Variants in TMCO4 observed in about 807,000 individuals in gnomAD.
TMCO4 encodes transmembrane and coiled-coil domains 4, also known as transmembrane and coiled-coil domain-containing protein 4.
TMCO4 carries 58 observed loss-of-function variants against 64.7 expected under a neutral mutation model. The ratio of observed to expected loss-of-function variants is 0.90; its 90% CI spans 0.73 to 1.12. The LOEUF is 1.12. TMCO4 is among the 50% of genes most tolerant of loss of function. TMCO4 has a pLI of 0.00. For missense variants in TMCO4, 780 were observed against 825.9 expected (o/e 0.94, Z 0.68); for synonymous variants, 325 against 346.1 (o/e 0.94, Z 0.68).
rs745696356 is a variant in TMCO4 at position 19,683,275 on chromosome 1, TG to T, written c.1669del (p.His557ThrfsTer30). ...GGGACCCTGGGTTTGCCCAACCTGG[TG>T]GGGGGTCTCGCCTGATGAGGCGGCA... ...AAAASSGETP[H>X]QVGQTQGPIS... On this transcript the variant is annotated frameshift_variant, in exon 16 of 16. Transcript: ENST00000294543. LOFTEE classifies it low-confidence loss of function (END_TRUNC). 1 of 1,614,086 alleles carries T rather than the reference TG, an allele frequency of 6.2e-7. No individual in the cohort carries two copies. Among genetic ancestry groups the T allele is most frequent in the East Asian group, 2.2e-5 (1 of 44,862 alleles).
intron 6 of TMCO4, among the ~76,000 whole-genome samples, chr1:19,760,186 G>C (rs2042436958): frequency 6.6e-6 from 1 of 151,578 alleles, no homozygotes; most frequent in East Asian, 1.9e-4. Context: ...TTTTTTAAGA[G>C]ATGGGGATCT....
At chr1:19,764,776 A>G in intron 6 of TMCO4, among the ~76,000 whole-genome samples, 1 of 145,328 alleles carries the variant, frequency 6.9e-6, no homozygotes, top group South Asian at 2.2e-4. Context: ...AATTGCTTGA[A>G]CCCGGGAGGT....
At position 19,720,005 on chromosome 1, in the gene TMCO4, ATTTT is replaced by A. The variant is rs56755114; in HGVS notation, c.1264+17363_1264+17366del. ...AGATTCCTTCTCAAAAAGGAAAATAATTTTTTTTTTTTTTTTTTTTGTAGAGATG... is the reference window on the plus strand; with the variant it reads ...AGATTCCTTCTCAAAAAGGAAAATAATTTTTTTTTTTTTTTTGTAGAGATG... On this transcript the variant is annotated intron_variant, in intron 13 of 15. Transcript: ENST00000294543. Among the ~76,000 whole-genome samples the A allele has an allele frequency of 6.0e-5, 7 of 116,950 alleles. No individual in the cohort carries two copies. In the East Asian group the frequency reaches 7.2e-4, roughly 12 times the overall value. The allele number at this position is 116,950 out of a possible 152,430, so 76.7% of individuals were successfully genotyped here.
chr1:19,706,167 G>A (rs1306531205), intron 13 of TMCO4, among the ~76,000 whole-genome samples: 1 of 152,180 alleles, frequency 6.6e-6, no homozygotes, highest in Admixed American at 6.5e-5. Context: ...GCCTCCTAAA[G>A]TGCTGGGATT....
At chr1:19,767,328 G>A (rs932415219) in intron 6 of TMCO4, among the ~76,000 whole-genome samples, 5 of 152,190 alleles carry the variant, frequency 3.3e-5, no homozygotes, top group South Asian at 4.1e-4. Context: ...AGCATTTAAC[G>A]AGTGCTGAAT....
intron 15 of TMCO4, among the ~76,000 whole-genome samples, chr1:19,692,365 C>T (rs139788391): frequency 1.1e-4 from 16 of 152,194 alleles, no homozygotes; most frequent in East Asian, 1.9e-4. Context: ...CATGTTTCAG[C>T]GGTGTGACCC....
chr1:19,753,884 G>A (rs988992989), intron 7 of TMCO4, among the ~76,000 whole-genome samples: 1 of 152,098 alleles, frequency 6.6e-6, no homozygotes, highest in Non-Finnish European at 1.5e-5. Flanking sequence ...CTACAATAGG[G>A]TCTATAATAG....
At chr1:19,773,405 G>A (rs1436308732) in intron 4 of TMCO4, among the ~76,000 whole-genome samples, 7 of 152,130 alleles carry the variant, frequency 4.6e-5, no homozygotes, top group Admixed American at 4.6e-4. Context: ...GAGTTCTAAA[G>A]ATGGGATGAC....
At chr1:19,780,385 G>C (rs970474133) in intron 4 of TMCO4, among the ~76,000 whole-genome samples, 195 bp downstream of exon 4, 6 of 152,182 alleles carry the variant, frequency 3.9e-5, no homozygotes, top group African/African-American at 1.4e-4. Context: ...ACCTCCTGCT[G>C]TGCGGCCAGG....
intron 15 of TMCO4, among the ~76,000 whole-genome samples, chr1:19,688,096 A>G (rs2095164186): frequency 6.6e-6 from 1 of 152,194 alleles, no homozygotes; most frequent in Admixed American, 6.5e-5. Context: ...TGAATCTGCC[A>G]GCTGCCTGGA....
At chr1:19,684,516 G>A (rs1401016538) in intron 15 of TMCO4, among the ~76,000 whole-genome samples, 2 of 151,990 alleles carry the variant, frequency 1.3e-5, no homozygotes, top group African/African-American at 4.8e-5. Context: ...CTACCCCTCT[G>A]GCTCTCAACT....
Position 19,746,576 on chromosome 1 carries a change from G to T in TMCO4, c.637C>A (p.Pro213Thr). ...VIGVTGGLAA[P>T]LVAAGAATII... ...GTCGCTGCTCCAGCGGCAACAAGGG[G>T]TGCAGCTAGACCTCCAGTCACACCT... is the stretch of plus-strand genomic sequence containing the variant. Residue 213 changes from proline (P) to threonine (T), a missense_variant, in exon 9 of 16, where the codon CCC becomes ACC. Transcript: ENST00000294543. The T allele has an allele frequency of 6.2e-7, 1 of 1,610,976 alleles. No homozygotes were observed. The highest frequency in any genetic ancestry group is 8.5e-7 in the Non-Finnish European group (1 of 1,178,494).
intron 13 of TMCO4, among the ~76,000 whole-genome samples, chr1:19,727,896 C>A (rs2095415413): frequency 6.6e-6 from 1 of 152,082 alleles, no homozygotes. Flanking sequence ...GAGATCATGC[C>A]CTCTGCAGAA....
At chr1:19,747,477 C>T (rs1215779231) in intron 7 of TMCO4, among the ~76,000 whole-genome samples, 2 of 152,098 alleles carry the variant, frequency 1.3e-5, no homozygotes, top group Non-Finnish European at 2.9e-5. Flanking sequence ...GTACTACTTA[C>T]CCAATGGATC....
chr1:19,720,071 C>T (rs577405647), intron 13 of TMCO4, among the ~76,000 whole-genome samples: 4 of 140,996 alleles, frequency 2.8e-5, no homozygotes, highest in African/African-American at 1.1e-4. Context: ...TCTTAAACTC[C>T]TAGGCTCAAG....
At chr1:19,711,781 C>T (rs2095331818) in intron 13 of TMCO4, among the ~76,000 whole-genome samples, 1 of 152,196 alleles carries the variant, frequency 6.6e-6, no homozygotes, top group African/African-American at 2.4e-5. Flanking sequence ...CCTCAGCCTC[C>T]TGAGTAGCTG....
intron 13 of TMCO4, among the ~76,000 whole-genome samples, chr1:19,708,890 A>G (rs10917523): frequency 0.079 from 11,963 of 152,254 alleles, 1,457 homozygotes; most frequent in African/African-American, 0.27. Context: ...GTGGGGGTTC[A>G]TGTGTGCAGC....
chr1:19,788,461 G>A (rs923991179), intron 2 of TMCO4, among the ~76,000 whole-genome samples: 1 of 152,124 alleles, frequency 6.6e-6, no homozygotes, highest in African/African-American at 2.4e-5. Context: ...CTAACTCCAG[G>A]TAGGCAGGGA....
intron 2 of TMCO4, among the ~76,000 whole-genome samples, chr1:19,796,721 C>T (rs1571085157): frequency 6.6e-6 from 1 of 152,204 alleles, no homozygotes; most frequent in East Asian, 1.9e-4. Flanking sequence ...ACTACAGGTG[C>T]ATGCCACCAT....
Sources: gnomAD v4.1 joint callset for allele counts (sites outside exome capture counted in the v4.1 genomes callset) on GRCh38, gnomAD v4.1.1 for gene constraint, MANE v1.5 for transcripts, NCBI Gene and HGNC (gene_info 2026-07-23, HGNC 2026-07-21) for gene names.